Variants in RARS2 observed in about 807,000 individuals in gnomAD.
RARS2 encodes probable arginine--tRNA ligase, mitochondrial.
Under a neutral mutation model 88.5 loss-of-function variants are expected in RARS2, and 67 were observed. The observed-to-expected ratio is 0.76, with a 90% CI of 0.62 to 0.93. RARS2 has a LOEUF of 0.93. Among genes scored for constraint, RARS2 ranks in the 40% least tolerant of loss-of-function variants. The probability of loss-of-function intolerance (pLI) is 0.00; values close to 1 mark genes in which losing one functional copy is unlikely to be tolerated. For synonymous variants in RARS2, 239 were observed against 230.3 expected, an observed-to-expected ratio of 1.04 and a Z score of -0.34; for missense variants, 664 against 684.2, an observed-to-expected ratio of 0.97 and a Z score of 0.33.
At chr6:87,578,801 A>G (rs1772410754) in intron 1 of RARS2, among the ~76,000 whole-genome samples, 1 of 152,038 alleles carries the variant, frequency 6.6e-6, no homozygotes, top group Non-Finnish European at 1.5e-5. Flanking sequence ...TCTGCTAAAA[A>G]CACAAAAAAT....
rs764264354 is a variant in RARS2 at position 87,514,935 on chromosome 6, G to GA, written c.1650+21dup. On this transcript the variant is annotated intron_variant, in intron 19 of 19. Transcript: ENST00000369536. ...AGTCTCAGGAGCTAGGGATTATACA[G>GA]AAAACATTCAACATAACGTACCCCA... 176 of 1,587,234 alleles carry GA rather than the reference G, an allele frequency of 1.1e-4. 1 individual carries two copies. The highest frequency in any genetic ancestry group is 5.0e-4 in the Middle Eastern group (3 of 6,012).
intron 8 of RARS2, among the ~76,000 whole-genome samples, chr6:87,532,129 G>A (rs1052241674): frequency 1.3e-5 from 2 of 151,932 alleles, no homozygotes; most frequent in Non-Finnish European, 2.9e-5. Context: ...AGGTAAAAAC[G>A]TTTCACCTTT....
At chr6:87,575,203 G>A (rs979769321) in intron 1 of RARS2, among the ~76,000 whole-genome samples, 1 of 143,168 alleles carries the variant, frequency 7.0e-6, no homozygotes, top group Admixed American at 7.2e-5. Flanking sequence ...AAGCCACAGA[G>A]ATGAACCCTA....
intron 1 of RARS2, among the ~76,000 whole-genome samples, chr6:87,575,270 CA>C (rs375949359): frequency 3.4e-4 from 49 of 142,190 alleles, no homozygotes; most frequent in African/African-American, 1.3e-3. Context: ...CACACACACA[CA>C]CACACACCTT....
chr6:87,556,496 A>T (rs1269274919), intron 4 of RARS2, among the ~76,000 whole-genome samples: 5 of 151,626 alleles, frequency 3.3e-5, no homozygotes, highest in African/African-American at 2.4e-5. Flanking sequence ...TTAAAACAAA[A>T]TTTTTTTTGG....
At chr6:87,522,122 G>C (rs1434327492) in intron 11 of RARS2, among the ~76,000 whole-genome samples, 1 of 152,254 alleles carries the variant, frequency 6.6e-6, no homozygotes, top group Middle Eastern at 3.4e-3. Flanking sequence ...ACGAGGTCAG[G>C]AGTTTGAGAC....
intron 1 of RARS2, among the ~76,000 whole-genome samples, chr6:87,581,291 T>C (rs1773407513): frequency 6.6e-6 from 1 of 152,194 alleles, no homozygotes; most frequent in African/African-American, 2.4e-5. Flanking sequence ...CATCATCTTA[T>C]GAAGATTAGC....
chr6:87,589,872 T>G (rs1776474897), intron 1 of RARS2, 50 bp downstream of exon 1: 1 of 1,612,542 alleles, frequency 6.2e-7, no homozygotes, highest in Non-Finnish European at 8.5e-7. Flanking sequence ...GAAAGGCCTT[T>G]GGGGTCCCTA....
intron 8 of RARS2, among the ~76,000 whole-genome samples, chr6:87,534,827 G>A (rs772514361): frequency 2.6e-5 from 4 of 152,184 alleles, no homozygotes; most frequent in Admixed American, 6.5e-5. Flanking sequence ...AATGGTTCAC[G>A]GTGTGTCTAC....
At chr6:87,552,253 T>C (rs539142344) in intron 5 of RARS2, among the ~76,000 whole-genome samples, 2 of 152,300 alleles carry the variant, frequency 1.3e-5, no homozygotes, top group African/African-American at 2.4e-5. Flanking sequence ...GGATACTACA[T>C]ATTTTAAAAA....
At chr6:87,582,139 G>C (rs1397114532) in intron 1 of RARS2, among the ~76,000 whole-genome samples, 1 of 152,122 alleles carries the variant, frequency 6.6e-6, no homozygotes, top group Non-Finnish European at 1.5e-5. Flanking sequence ...GGATTGCTGG[G>C]CCAGATGATA....
intron 8 of RARS2, among the ~76,000 whole-genome samples, chr6:87,537,746 A>G (rs1043189081): frequency 2.0e-5 from 3 of 152,222 alleles, no homozygotes; most frequent in African/African-American, 7.2e-5. Flanking sequence ...CACAAATAAG[A>G]AAGAGTAAAT....
chr6:87,579,368 G>T (rs888875100), intron 1 of RARS2, among the ~76,000 whole-genome samples: 3 of 152,168 alleles, frequency 2.0e-5, no homozygotes, highest in African/African-American at 7.2e-5. Context: ...AGAGACCACT[G>T]TACTACACCT....
At chr6:87,580,031 C>A (rs910494381) in intron 1 of RARS2, among the ~76,000 whole-genome samples, 2 of 152,002 alleles carry the variant, frequency 1.3e-5, no homozygotes, top group African/African-American at 4.8e-5. Context: ...GAGCCACCGC[C>A]CCAGGCTTGG....
intron 1 of RARS2, among the ~76,000 whole-genome samples, chr6:87,584,396 C>A (rs1380970851): frequency 7.2e-5 from 11 of 152,170 alleles, no homozygotes; most frequent in Admixed American, 7.2e-4. Context: ...GCACTGTTAT[C>A]TTTATCTCAT....
At chr6:87,520,363 T>C (rs988526196) in intron 12 of RARS2, 107 bp from the exon 13 acceptor site, 32 of 861,084 alleles carry the variant, frequency 3.7e-5, no homozygotes, top group Admixed American at 7.8e-5. Context: ...CAGACTAAAG[T>C]CGTCAATTGA....
chr6:87,569,648 T>C, intron 1 of RARS2, 58 bp from the exon 2 acceptor site: 3 of 1,302,942 alleles, frequency 2.3e-6, no homozygotes, highest in South Asian at 2.4e-5. Flanking sequence ...TTCCATTCAA[T>C]GGAATACCAC....
At chr6:87,572,224 T>C (rs1191112768) in intron 1 of RARS2, among the ~76,000 whole-genome samples, 1 of 152,186 alleles carries the variant, frequency 6.6e-6, no homozygotes, top group Non-Finnish European at 1.5e-5. Flanking sequence ...ATAATAAATC[T>C]GTTAAATAAT....
At chr6:87,550,894 TA>T (rs910941888) in intron 5 of RARS2, among the ~76,000 whole-genome samples, 19 of 151,176 alleles carry the variant, frequency 1.3e-4, no homozygotes, top group African/African-American at 4.1e-4. Flanking sequence ...GGAGGGTGAA[TA>T]AAACACTGAT....
Sources: allele counts gnomAD v4.1 joint callset (sites outside exome capture counted in the v4.1 genomes callset), GRCh38; gene constraint gnomAD v4.1.1; transcripts MANE v1.5; gene names NCBI Gene and HGNC (gene_info 2026-07-23, HGNC 2026-07-21).